Variants in UBR1 observed in about 807,000 individuals in gnomAD.
UBR1 encodes ubiquitin protein ligase E3 component n-recognin 1.
UBR1 carries 102 observed loss-of-function variants against 242.1 expected under a neutral mutation model. The ratio of observed to expected loss-of-function variants is 0.42; its 90% CI spans 0.36 to 0.50. The LOEUF is 0.50. Ranked by LOEUF, UBR1 falls within the 20% of genes least tolerant of loss-of-function variation. The probability of loss-of-function intolerance (pLI) is 0.01; values close to 1 mark genes in which losing one functional copy is unlikely to be tolerated. For missense variants in UBR1, 1,772 were observed against 2,101.8 expected (o/e 0.84, Z 3.07); for synonymous variants, 675 against 684.8 (o/e 0.99, Z 0.22).
chr15:42,995,397 C>T (rs184380146), intron 33 of UBR1, among the ~76,000 whole-genome samples: 51 of 151,810 alleles, frequency 3.4e-4, no homozygotes, highest in Non-Finnish European at 5.6e-4. Flanking sequence ...CGGTGGCTCA[C>T]GCCTGTAATC....
chr15:43,040,398 T>C (rs1421434883), intron 15 of UBR1, among the ~76,000 whole-genome samples: 2 of 152,216 alleles, frequency 1.3e-5, no homozygotes, highest in Non-Finnish European at 2.9e-5. Flanking sequence ...GCTAGCCATA[T>C]GTAGAAAGTT....
chr15:42,950,240 T>A, intron 46 of UBR1, 22 bp downstream of exon 46: 2 of 1,596,292 alleles, frequency 1.3e-6, no homozygotes, highest in Non-Finnish European at 1.7e-6. Flanking sequence ...GAAACCTTCC[T>A]ATTATATAAA....
At chr15:43,056,885 A>C (rs2033626086) in intron 10 of UBR1, among the ~76,000 whole-genome samples, 2 of 152,208 alleles carry the variant, frequency 1.3e-5, no homozygotes, top group Non-Finnish European at 2.9e-5. Flanking sequence ...ATCCAGCCTT[A>C]AACAGAATGG....
chr15:43,003,157 C>T (rs2032752630), intron 31 of UBR1: 1 of 182,546 alleles, frequency 5.5e-6, no homozygotes, highest in Admixed American at 5.5e-5. Context: ...ACTTCTTGTC[C>T]TATTCATCCT....
rs527889075 is a variant in UBR1, at chr15:42,949,936, T to G, written c.5108+326A>C. Among the ~76,000 whole-genome samples the G allele has an allele frequency of 2.0e-5, 3 of 151,170 alleles. No homozygotes were observed. In the East Asian group the frequency reaches 5.9e-4, roughly 30 times the overall value. On this transcript the variant is annotated intron_variant, in intron 46 of 46. Coordinates refer to ENST00000290650, the MANE Select transcript of UBR1 (RefSeq NM_174916.3). ...CTTGGCTCACTGCAACCTCCTGGGT[T>G]CAAGTGATTCTCCTACCTCAGCCTC...
rs150408467 is a variant in UBR1 at position 42,997,338 on chromosome 15, T to C, written c.3757+830A>G. Among the ~76,000 whole-genome samples the C allele has an allele frequency of 4.9e-3, 743 of 152,348 alleles. 4 individuals carry two copies. The highest frequency in any genetic ancestry group is 0.017 in the African/African-American group (703 of 41,582). On this transcript the variant is annotated intron_variant, in intron 33 of 46. Transcript: ENST00000290650. ...ACTGATTCTACATTATGGTGAGTTA[T>C]ATAATTATTTCGTTATATATTACAA... is the stretch of plus-strand genomic sequence containing the variant.
intron 29 of UBR1, among the ~76,000 whole-genome samples, chr15:43,007,836 A>G (rs945946004): frequency 6.6e-6 from 1 of 152,188 alleles, no homozygotes. Flanking sequence ...CACAGCTCTT[A>G]CTGTATGTGC....
At chr15:43,040,830 C>T (rs1260081123) in intron 15 of UBR1, among the ~76,000 whole-genome samples, 1 of 152,106 alleles carries the variant, frequency 6.6e-6, no homozygotes, top group Non-Finnish European at 1.5e-5. Context: ...AGCCAACAGA[C>T]ACATGAAAAA....
chr15:43,038,613 T>G (rs995706967), intron 15 of UBR1, among the ~76,000 whole-genome samples: 1 of 151,848 alleles, frequency 6.6e-6, no homozygotes, highest in Non-Finnish European at 1.5e-5. Flanking sequence ...AGAAAGAAAC[T>G]TGTGTGAGTT....
rs1488392810 is a variant in UBR1 at position 43,022,311 on chromosome 15, A to G, written c.2839+391T>C. Among the ~76,000 whole-genome samples, 3 of 152,124 alleles carry G rather than the reference A, an allele frequency of 2.0e-5. No individual in the cohort carries two copies. In the East Asian group the frequency reaches 5.8e-4, roughly 29 times the overall value. ...GAACGTTATCATTCAGATTTCTATCATTTAAAATTCAGAAACAATATCTTA... is the reference window on the plus strand; with the variant it reads ...GAACGTTATCATTCAGATTTCTATCGTTTAAAATTCAGAAACAATATCTTA... On this transcript the variant is annotated intron_variant, in intron 26 of 46. Transcript: ENST00000290650.
chr15:43,088,792 T>C (rs1347429140), intron 1 of UBR1, among the ~76,000 whole-genome samples: 1 of 151,964 alleles, frequency 6.6e-6, no homozygotes, highest in African/African-American at 2.4e-5. Context: ...CTTTCAACAA[T>C]GTTACATTGT....
intron 2 of UBR1, among the ~76,000 whole-genome samples, chr15:43,085,592 G>C (rs2034025708): frequency 6.6e-6 from 1 of 152,104 alleles, no homozygotes; most frequent in Non-Finnish European, 1.5e-5. Context: ...TACCAAGATT[G>C]TAATACTTGG....
In UBR1 at chr15:42,972,626, C is replaced by T. The variant is rs1596080808; in HGVS notation, c.4370-2019G>A. Among the ~76,000 whole-genome samples the T allele has an allele frequency of 2.0e-5, 3 of 152,176 alleles. No homozygotes were observed. In the East Asian group the frequency reaches 5.8e-4, roughly 29 times the overall value. ...CCTCAGGTGATCCACCCGTCTTGTC[C>T]TCCCAAAGTGCTGAGATTACAGGTG... is the stretch of plus-strand genomic sequence containing the variant. On this transcript the variant is annotated intron_variant, in intron 39 of 46. Coordinates refer to ENST00000290650, the MANE Select transcript of UBR1 (RefSeq NM_174916.3).
chr15:43,007,203 C>A lies in UBR1; in HGVS notation c.3291G>T (p.Thr1097=). ...GPSVTEKEVL[T]CILCQEEQEV... is the part of the protein sequence containing the mutation. The stretch of plus-strand genomic sequence containing the variant: ...CCTGTTCTTCTTGGCAAAGGATGCA[C>A]GTCAGCACCTCCTTTTCAGTAACAG... The change falls in exon 30 of 47, where the codon ACG becomes ACT. Residue 1097 remains threonine, a synonymous_variant. Coordinates refer to ENST00000290650, the MANE Select transcript of UBR1 (RefSeq NM_174916.3). The A allele has an allele frequency of 6.2e-7, 1 of 1,614,050 alleles. No homozygotes were observed. Among genetic ancestry groups the A allele is most frequent in the Non-Finnish European group, 8.5e-7 (1 of 1,180,016 alleles).
intron 32 of UBR1, among the ~76,000 whole-genome samples, chr15:42,998,584 C>T (rs777433967): frequency 3.9e-5 from 6 of 152,178 alleles, no homozygotes; most frequent in Non-Finnish European, 7.3e-5. Context: ...CCTCACACCC[C>T]ACATTCTAAT....
At chr15:43,046,223 A>G (rs2033483803) in intron 14 of UBR1, among the ~76,000 whole-genome samples, 1 of 152,212 alleles carries the variant, frequency 6.6e-6, no homozygotes, top group South Asian at 2.1e-4. Flanking sequence ...TGCTTGCTGG[A>G]CAGTATTTCC....
Position 43,037,929 on chromosome 15 carries a change from ATG to A in UBR1, c.1912-48_1912-47del, listed in dbSNP as rs780218930. ...TTTTATCATTTCTCACAGAGCTTAG[ATG>A]TGTCTCCAAGTTATGCCACTACATA... On this transcript the variant is annotated intron_variant, in intron 16 of 46. Transcript: ENST00000290650. 3 of 1,540,734 alleles carry A rather than the reference ATG, an allele frequency of 1.9e-6. No homozygotes were observed. The Admixed American group carries it at 5.4e-5, about 28-fold the overall frequency.
intron 1 of UBR1, among the ~76,000 whole-genome samples, chr15:43,102,576 A>C (rs1201062501): frequency 6.6e-6 from 1 of 152,218 alleles, no homozygotes; most frequent in East Asian, 1.9e-4. Context: ...AAGGAAGAAA[A>C]TCTAGTCGAG....
At chr15:43,098,219 T>C (rs929997345) in intron 1 of UBR1, among the ~76,000 whole-genome samples, 2 of 152,182 alleles carry the variant, frequency 1.3e-5, no homozygotes, top group African/African-American at 4.8e-5. Flanking sequence ...TTTTTTATTA[T>C]GTTTGCTGTC....
Sources: gnomAD v4.1 joint callset for allele counts (sites outside exome capture counted in the v4.1 genomes callset) on GRCh38, gnomAD v4.1.1 for gene constraint, MANE v1.5 for transcripts, NCBI Gene and HGNC (gene_info 2026-07-23, HGNC 2026-07-21) for gene names.